TCF7L1: variants seen among roughly 807,000 people sequenced by gnomAD.
TCF7L1 encodes transcription factor 7-like 1.
A neutral mutation model predicts 63.7 loss-of-function variants in TCF7L1; 18 were observed. The observed-to-expected ratio is 0.28, with a 90% CI of 0.20 to 0.42. The LOEUF is 0.42. Ranked by LOEUF, TCF7L1 falls within the 10% of genes least tolerant of loss-of-function variation. The pLI is 1.00. For missense variants in TCF7L1, 654 were observed against 779.3 expected, an observed-to-expected ratio of 0.84 and a Z score of 1.91; for synonymous variants, 355 against 340.9, an observed-to-expected ratio of 1.04 and a Z score of -0.46.
At chr2:85,173,622 A>G (rs1574090360) in intron 3 of TCF7L1, among the ~76,000 whole-genome samples, 1 of 152,310 alleles carries the variant, frequency 6.6e-6, no homozygotes, top group South Asian at 2.1e-4. Flanking sequence ...TCCTAAACTC[A>G]AGGGGTCCTC....
At chr2:85,191,688 G>A (rs1453635850) in intron 3 of TCF7L1, among the ~76,000 whole-genome samples, 1 of 151,988 alleles carries the variant, frequency 6.6e-6, no homozygotes, top group African/African-American at 2.4e-5. Flanking sequence ...AGGTGGGTGT[G>A]GTGGCAGGTG....
intron 4 of TCF7L1, among the ~76,000 whole-genome samples, chr2:85,286,772 G>A (rs1023907419): frequency 1.3e-4 from 20 of 152,168 alleles, no homozygotes; most frequent in Non-Finnish European, 2.4e-4. Flanking sequence ...TGGGATTACA[G>A]GCGTGAGCCA....
At chr2:85,209,340 A>C (rs187577375) in intron 3 of TCF7L1, among the ~76,000 whole-genome samples, 2 of 152,286 alleles carry the variant, frequency 1.3e-5, no homozygotes, top group South Asian at 2.1e-4. Context: ...CACTTGTCCT[A>C]TTCGGGTACA....
At chr2:85,224,511 G>T (rs1484083333) in intron 3 of TCF7L1, among the ~76,000 whole-genome samples, 3 of 152,182 alleles carry the variant, frequency 2.0e-5, no homozygotes, top group African/African-American at 4.8e-5. Context: ...TTGTGTTTTT[G>T]ATTTGCATTT....
intron 3 of TCF7L1, among the ~76,000 whole-genome samples, chr2:85,217,946 G>A (rs1266068541): frequency 6.6e-6 from 1 of 151,946 alleles, no homozygotes; most frequent in African/African-American, 2.4e-5. Flanking sequence ...CATTAAATTA[G>A]GTCTAATCAG....
chr2:85,260,222 C>T (rs987179865), intron 3 of TCF7L1, among the ~76,000 whole-genome samples: 4 of 152,178 alleles, frequency 2.6e-5, no homozygotes, highest in African/African-American at 7.2e-5. Context: ...GTGCTTACAG[C>T]GAACCAGATG....
At chr2:85,208,100 G>A (rs1391318644) in intron 3 of TCF7L1, among the ~76,000 whole-genome samples, 3 of 152,068 alleles carry the variant, frequency 2.0e-5, no homozygotes, top group Admixed American at 1.3e-4. Flanking sequence ...TAGAGACAGG[G>A]TTTCACCGTG....
intron 3 of TCF7L1, among the ~76,000 whole-genome samples, chr2:85,277,613 A>G (rs1275630184): frequency 6.6e-6 from 1 of 152,192 alleles, no homozygotes; most frequent in African/African-American, 2.4e-5. Context: ...GCAAGTGGCC[A>G]AAAATGGGCG....
intron 3 of TCF7L1, among the ~76,000 whole-genome samples, chr2:85,249,537 T>A (rs911832932): frequency 3.3e-5 from 5 of 152,196 alleles, no homozygotes; most frequent in African/African-American, 1.2e-4. Context: ...CCAAGGGGCC[T>A]GTTGTACTCC....
At chr2:85,283,411 C>A in intron 3 of TCF7L1, 84 bp from the exon 4 acceptor site, 1 of 1,470,450 alleles carries the variant, frequency 6.8e-7, no homozygotes, top group Non-Finnish European at 9.5e-7. Flanking sequence ...TGCCCCGGTG[C>A]CCTAACAGCA....
chr2:85,207,236 G>A (rs750611847), intron 3 of TCF7L1, among the ~76,000 whole-genome samples: 2 of 152,116 alleles, frequency 1.3e-5, no homozygotes, highest in Non-Finnish European at 2.9e-5. Context: ...CCAAGTTACT[G>A]CCTGTGACCT....
At chr2:85,168,261 T>C (rs1220236788) in intron 3 of TCF7L1, among the ~76,000 whole-genome samples, 1 of 151,452 alleles carries the variant, frequency 6.6e-6, no homozygotes, top group Non-Finnish European at 1.5e-5. Context: ...GATGATGTGT[T>C]TATTACCCTG....
intron 3 of TCF7L1, among the ~76,000 whole-genome samples, chr2:85,162,720 C>T (rs1009662519): frequency 6.6e-6 from 1 of 152,012 alleles, no homozygotes; most frequent in Non-Finnish European, 1.5e-5. Context: ...TGTGGTACGC[C>T]CCGTTTTGTG....
At position 85,304,128 on chromosome 2, in the gene TCF7L1, A is replaced by G. The variant is rs72934693; in HGVS notation, c.762-127A>G. 7,478 of 1,217,464 alleles carry G rather than the reference A, an allele frequency of 6.1e-3. 355 individuals are homozygous for G. The African/African-American group carries it at 0.098, about 16-fold the overall frequency. 75.4% of individuals were successfully genotyped at this position (1,217,464 alleles called of 1,614,324 possible). A position where few individuals can be genotyped will look rare whatever the true frequency, so the allele number is the denominator to read the frequency against. On this transcript the variant is annotated intron_variant, in intron 6 of 11. Coordinates refer to ENST00000282111, the MANE Select transcript of TCF7L1 (RefSeq NM_031283.3). ...GGACTAGGCCTCCCTGCCCCCGCCC[A>G]GGCAGCGTGCTCCCAGCATTACCTT...
At chr2:85,217,272 T>C (rs1558636786) in intron 3 of TCF7L1, 1 of 152,192 alleles carries the variant, frequency 6.6e-6, no homozygotes, top group Admixed American at 6.5e-5. Flanking sequence ...GTAGATAAGA[T>C]TGAAGCAAAC....
At chr2:85,284,741 T>G (rs753989753) in intron 4 of TCF7L1, among the ~76,000 whole-genome samples, 11 of 152,202 alleles carry the variant, frequency 7.2e-5, no homozygotes, top group Admixed American at 6.5e-5. Flanking sequence ...ACTTCACTGT[T>G]ACTGCCCTGT....
chr2:85,289,456 G>A (rs1191268167), intron 4 of TCF7L1, among the ~76,000 whole-genome samples: 2 of 152,056 alleles, frequency 1.3e-5, no homozygotes, highest in East Asian at 3.8e-4. Flanking sequence ...GATATTCAGG[G>A]GTTTTTTAAT....
intron 3 of TCF7L1, among the ~76,000 whole-genome samples, chr2:85,249,758 GGA>G (rs1680549734): frequency 6.6e-6 from 1 of 152,142 alleles, no homozygotes; most frequent in Non-Finnish European, 1.5e-5. Context: ...CCTTTTCCTG[GGA>G]GAGTAGAAAA....
Position 85,134,398 on chromosome 2 carries a change from T to C in TCF7L1, c.389T>C (p.Leu130Pro), listed in dbSNP as rs780466037. 6 of 1,570,004 alleles carry C rather than the reference T, an allele frequency of 3.8e-6. No homozygotes were observed. The Admixed American group carries it at 1.1e-4, about 29-fold the overall frequency. Residue 130 changes from leucine to proline, a missense_variant, in exon 3 of 12, where the codon CTG (leucine) becomes CCG (proline). Physicochemically the swap from Leu to Pro is moderately conservative, Grantham distance 98. Around this residue, in one of 3 missense-constraint regions of TCF7L1, gnomAD observed 404 missense variants for 454.8 expected, o/e 0.89. Transcript: ENST00000282111. This position sits in a 1 kb window ranked among gnomAD's most constrained non-coding sequence, Gnocchi z 5.0. ...PGYPFLMIPDLSSPYLSNGPL... is the reference protein window; with the variant it reads ...PGYPFLMIPDPSSPYLSNGPL... ...TACCCCTTCCTGATGATCCCGGACC[T>C]GAGCAGCCCGTACCTCTCCAACGGA... is the stretch of plus-strand genomic sequence containing the variant.
Sources: gnomAD v4.1 joint callset for allele counts (sites outside exome capture counted in the v4.1 genomes callset) on GRCh38, gnomAD v4.1.1 for gene constraint, gnomAD v4.1.1 regional missense constraint, Gnocchi (gnomAD v3.1) non-coding constraint, MANE v1.5 for transcripts, NCBI Gene and HGNC (gene_info 2026-07-23, HGNC 2026-07-21) for gene names.